Variants in RIMS2 observed in about 807,000 individuals in gnomAD.
RIMS2 encodes regulating synaptic membrane exocytosis 2, also known as regulating synaptic membrane exocytosis protein 2.
In RIMS2, 59 loss-of-function variants were observed where a neutral mutation model predicts 174.4. The observed-to-expected ratio is 0.34, with a 90% CI of 0.27 to 0.42. RIMS2 has a LOEUF of 0.42. RIMS2 is among the 10% of genes least tolerant of loss of function. RIMS2 has a pLI of 1.00. For missense variants in RIMS2, 1,620 were observed against 1,666.3 expected (o/e 0.97, Z 0.48); for synonymous variants, 606 against 572.5 (o/e 1.06, Z -0.84).
At chr8:103,586,236 A>G (rs530295057) in intron 1 of RIMS2, among the ~76,000 whole-genome samples, 25 of 152,352 alleles carry the variant, frequency 1.6e-4, no homozygotes, top group Admixed American at 5.9e-4. Context: ...TATTCACTAT[A>G]GATCAAATGG....
At chr8:103,843,859 T>A (rs1323270087) in intron 3 of RIMS2, among the ~76,000 whole-genome samples, 1 of 152,212 alleles carries the variant, frequency 6.6e-6, no homozygotes, top group Admixed American at 6.5e-5. Context: ...GATTTGAATT[T>A]TCTTTCTGCT....
chr8:103,710,883 T>C (rs2097295237), intron 2 of RIMS2, among the ~76,000 whole-genome samples: 1 of 152,200 alleles, frequency 6.6e-6, no homozygotes. Flanking sequence ...TTGAAATATA[T>C]TGATATACAT....
At chr8:104,156,542 A>T (rs147461050) in intron 19 of RIMS2, among the ~76,000 whole-genome samples, 1 of 152,254 alleles carries the variant, frequency 6.6e-6, no homozygotes, top group African/African-American at 2.4e-5. Context: ...TCCTGAGAGC[A>T]TAAGTCTTAT....
chr8:104,020,494 T>A (rs1383540749), intron 19 of RIMS2, among the ~76,000 whole-genome samples: 1 of 152,076 alleles, frequency 6.6e-6, no homozygotes, highest in East Asian at 1.9e-4. Flanking sequence ...TATTTCTGAA[T>A]ATGAAATTAG....
intron 1 of RIMS2, among the ~76,000 whole-genome samples, chr8:103,561,509 A>G (rs1194552774): frequency 6.6e-6 from 1 of 152,216 alleles, no homozygotes; most frequent in Non-Finnish European, 1.5e-5. Context: ...CAAGAGATAC[A>G]TAAACATTAC....
At chr8:103,911,362 C>T (rs943750701) in intron 5 of RIMS2, among the ~76,000 whole-genome samples, 7 of 152,006 alleles carry the variant, frequency 4.6e-5, no homozygotes, top group Admixed American at 4.6e-4. Flanking sequence ...ATTGAATTAT[C>T]TAGTAAAGGT....
intron 3 of RIMS2, among the ~76,000 whole-genome samples, chr8:103,793,826 T>C (rs1439288728): frequency 1.3e-5 from 2 of 152,122 alleles, no homozygotes; most frequent in Non-Finnish European, 2.9e-5. Context: ...TGAACTCCCA[T>C]TCATAATTAC....
chr8:103,680,547 A>T (rs2096867359), intron 1 of RIMS2, among the ~76,000 whole-genome samples: 2 of 152,044 alleles, frequency 1.3e-5, no homozygotes, highest in Non-Finnish European at 2.9e-5. Context: ...AAATTGAAGT[A>T]TTTGACTACC....
chr8:103,872,122 T>C (rs1437974222), intron 3 of RIMS2, among the ~76,000 whole-genome samples: 1 of 152,196 alleles, frequency 6.6e-6, no homozygotes, highest in Non-Finnish European at 1.5e-5. Flanking sequence ...GTGGTGTCAG[T>C]ATCCATGGCT....
chr8:103,898,169 C>T (rs2099301632), intron 4 of RIMS2, among the ~76,000 whole-genome samples: 1 of 151,620 alleles, frequency 6.6e-6, no homozygotes, highest in Non-Finnish European at 1.5e-5. Context: ...ACCTTCTACC[C>T]TCTAAAGAGT....
At chr8:103,919,016 A>G (rs186246174) in intron 9 of RIMS2, among the ~76,000 whole-genome samples, 1 of 152,354 alleles carries the variant, frequency 6.6e-6, no homozygotes, top group Admixed American at 6.5e-5. Context: ...GCAGTAGTGG[A>G]ACAATAAATA....
intron 11 of RIMS2, chr8:103,928,023 T>A: frequency 1.5e-6 from 1 of 657,712 alleles, no homozygotes; most frequent in Non-Finnish European, 2.6e-6. Context: ...CAAATCATTT[T>A]ATTAGCCAGC....
intron 1 of RIMS2, among the ~76,000 whole-genome samples, chr8:103,575,290 G>A (rs1034028659): frequency 2.6e-5 from 4 of 152,134 alleles, no homozygotes; most frequent in African/African-American, 9.7e-5. Context: ...ACAATAGTAG[G>A]TGTTTTAAGG....
chr8:103,870,598 A>AT (rs1481269277), intron 3 of RIMS2, among the ~76,000 whole-genome samples: 1 of 151,694 alleles, frequency 6.6e-6, no homozygotes, highest in Non-Finnish European at 1.5e-5. Flanking sequence ...AATAGAACAT[A>AT]TTTTTTCTAC....
rs530966946 is a variant in RIMS2, at chr8:103,608,285, G to A, written c.177-88801G>A. Among the ~76,000 whole-genome samples, 8 of 143,382 alleles carry A rather than the reference G, an allele frequency of 5.6e-5. 2 individuals are homozygous for A. Among genetic ancestry groups the A allele is most frequent in the Non-Finnish European group, 1.1e-4 (7 of 65,428 alleles). 94.1% of individuals were successfully genotyped at this position (143,382 alleles called of 152,430 possible). A position where few individuals can be genotyped will look rare whatever the true frequency, so the allele number is the denominator to read the frequency against. The stretch of plus-strand genomic sequence containing the variant: ...GTGAGGTGTCAATCTGCCCCTGCTG[G>A]GGGGTGCCTCCCAGTTAGGCTGCTC... On this transcript the variant is annotated intron_variant, in intron 1 of 23. Transcript: ENST00000504942.
At chr8:104,234,928 T>C (rs2099250818) in intron 19 of RIMS2, among the ~76,000 whole-genome samples, 3 of 152,154 alleles carry the variant, frequency 2.0e-5, no homozygotes, top group Admixed American at 2.0e-4. Context: ...ATGGTATAGT[T>C]TGATGAAATC....
At chr8:103,953,261 A>G (rs2086002939) in intron 14 of RIMS2, among the ~76,000 whole-genome samples, 1 of 152,204 alleles carries the variant, frequency 6.6e-6, no homozygotes. Flanking sequence ...CATCACAAAG[A>G]TACTCCTTGA....
chr8:103,803,200 CA>C (rs1159867760), intron 3 of RIMS2, among the ~76,000 whole-genome samples: 1 of 151,888 alleles, frequency 6.6e-6, no homozygotes, highest in Non-Finnish European at 1.5e-5. Flanking sequence ...TATTATAGTT[CA>C]AATTTTTATG....
chr8:104,245,213 G>A (rs2099324458), intron 20 of RIMS2, among the ~76,000 whole-genome samples, 156 bp downstream of exon 26: 1 of 152,210 alleles, frequency 6.6e-6, no homozygotes, highest in Admixed American at 6.5e-5. Context: ...ACCTGCCACT[G>A]AACAATGTGA....
Sources: allele counts gnomAD v4.1 joint callset (sites outside exome capture counted in the v4.1 genomes callset), GRCh38; gene constraint gnomAD v4.1.1; transcripts MANE v1.5; gene names NCBI Gene and HGNC (gene_info 2026-07-23, HGNC 2026-07-21).